KANK1: variants seen among roughly 807,000 people sequenced by gnomAD.
KANK1 encodes KN motif and ankyrin repeat domain-containing protein 1.
KANK1 carries 109 observed loss-of-function variants against 106.2 expected under a neutral mutation model. The observed-to-expected ratio is 1.03, with a 90% CI of 0.88 to 1.20. KANK1 has a LOEUF of 1.20. Among genes scored for constraint, KANK1 ranks in the 50% most tolerant of loss-of-function variants. The pLI, the probability that KANK1 is intolerant of heterozygous loss-of-function variation, is 0.00. For missense variants in KANK1, 2,399 were observed against 1,710.7 expected, an observed-to-expected ratio of 1.40 and a Z score of -7.10; for synonymous variants, 873 against 652.2, an observed-to-expected ratio of 1.34 and a Z score of -5.16.
chr9:511,390 G>A (rs2059021769), intron 1 of KANK1, among the ~76,000 whole-genome samples: 1 of 152,148 alleles, frequency 6.6e-6, no homozygotes, highest in African/African-American at 2.4e-5. Flanking sequence ...AATATTGTAG[G>A]TGTAGGCCCA....
chr9:672,776 C>G (rs901381269), intron 1 of KANK1, among the ~76,000 whole-genome samples: 1 of 152,176 alleles, frequency 6.6e-6, no homozygotes, highest in African/African-American at 2.4e-5. Flanking sequence ...TTGTACCTTA[C>G]TTGGCGATCT....
intron 1 of KANK1, chr9:470,424 CTG>C (rs1313809841): frequency 3.3e-5 from 5 of 152,504 alleles, no homozygotes; most frequent in African/African-American, 4.8e-5. Context: ...TTTCTCAACA[CTG>C]TGAAGCTCAG....
chr9:567,417 C>G (rs1036363368), intron 1 of KANK1, among the ~76,000 whole-genome samples: 5 of 152,228 alleles, frequency 3.3e-5, no homozygotes, highest in African/African-American at 1.2e-4. Context: ...AAGTGCTATT[C>G]TCATTCTTGC....
intron 1 of KANK1, among the ~76,000 whole-genome samples, chr9:545,124 A>T (rs948131484): frequency 6.6e-6 from 1 of 150,870 alleles, no homozygotes; most frequent in African/African-American, 2.4e-5. Context: ...CAGTGCCCAG[A>T]CTTCTGGGAG....
At chr9:694,352 G>A (rs954688900) in intron 2 of KANK1, among the ~76,000 whole-genome samples, 2 of 152,008 alleles carry the variant, frequency 1.3e-5, no homozygotes, top group African/African-American at 2.4e-5. Flanking sequence ...TCTTTTTTAC[G>A]CTTAGAACAG....
chr9:534,943 G>A (rs1214162179), intron 1 of KANK1, among the ~76,000 whole-genome samples: 2 of 152,188 alleles, frequency 1.3e-5, no homozygotes, highest in Non-Finnish European at 2.9e-5. Context: ...GGGCCGAGGG[G>A]AAGCTGAGGT....
intron 1 of KANK1, among the ~76,000 whole-genome samples, chr9:636,178 G>A (rs936577138): frequency 2.0e-5 from 3 of 152,150 alleles, no homozygotes; most frequent in Non-Finnish European, 4.4e-5. Flanking sequence ...GGCCTAGGGT[G>A]TTTTTGTAAA....
Position 711,047 on chromosome 9 carries a change from C to T in KANK1, c.281C>T (p.Ser94Phe). ...TGGACTTCCACTGAATCCCTCTCATCCTCCAACAGTGATGACAACAAGCAG... is the reference window on the plus strand; with the variant it reads ...TGGACTTCCACTGAATCCCTCTCATTCTCCAACAGTGATGACAACAAGCAG... ...GIWTSTESLS[S>F]SNSDDNKQCP... The change falls in exon 3 of 12, where the codon TCC becomes TTC. Residue 94 changes from serine (S) to phenylalanine (F), a missense_variant. Transcript: ENST00000382297. 3.1e-6 allele frequency: 5 copies of T among 1,614,192 alleles called. No homozygotes were observed. The highest frequency in any genetic ancestry group is 2.2e-5 in the East Asian group (1 of 44,880).
intron 1 of KANK1, among the ~76,000 whole-genome samples, chr9:506,776 G>A (rs190366533): frequency 8.3e-4 from 126 of 152,222 alleles, no homozygotes; most frequent in Admixed American, 2.2e-3. Context: ...AGTGGGAGGA[G>A]GAGGATGGAA....
At chr9:533,001 G>C (rs561061717) in intron 1 of KANK1, among the ~76,000 whole-genome samples, 2 of 152,272 alleles carry the variant, frequency 1.3e-5, no homozygotes, top group Non-Finnish European at 2.9e-5. Context: ...TTGCTGGTCG[G>C]AACAGTTTTG....
At chr9:487,268 G>A (rs1440735411) in intron 3 of KANK1, among the ~76,000 whole-genome samples, 1 of 152,160 alleles carries the variant, frequency 6.6e-6, no homozygotes, top group East Asian at 1.9e-4. Context: ...CACACTGCAA[G>A]TACCCCATAA....
At chr9:572,551 CA>C (rs1421913140) in intron 1 of KANK1, among the ~76,000 whole-genome samples, 47 of 147,640 alleles carry the variant, frequency 3.2e-4, no homozygotes, top group African/African-American at 7.9e-4. Context: ...GACTCCATCT[CA>C]AAAAAAAAAA....
intron 1 of KANK1, among the ~76,000 whole-genome samples, chr9:578,828 A>T (rs1178850323): frequency 1.3e-5 from 2 of 152,262 alleles, no homozygotes; most frequent in East Asian, 1.9e-4. Flanking sequence ...CCACCTCTGT[A>T]TAATATTTAA....
intron 3 of KANK1, among the ~76,000 whole-genome samples, chr9:716,618 A>G (rs945124696): frequency 2.0e-5 from 3 of 152,212 alleles, no homozygotes; most frequent in Non-Finnish European, 2.9e-5. Context: ...CGGCCAATCC[A>G]TAGAATTCTG....
At chr9:587,590 C>G (rs1470592404) in intron 1 of KANK1, among the ~76,000 whole-genome samples, 1 of 152,092 alleles carries the variant, frequency 6.6e-6, no homozygotes, top group African/African-American at 2.4e-5. Flanking sequence ...ATATTATTTT[C>G]CAAGTTTTTA....
chr9:493,657 C>T (rs2058413696), intron 3 of KANK1, among the ~76,000 whole-genome samples: 1 of 147,648 alleles, frequency 6.8e-6, no homozygotes, highest in Non-Finnish European at 1.5e-5. Flanking sequence ...AAGCAATTCT[C>T]CTGCCTCAGC....
intron 1 of KANK1, among the ~76,000 whole-genome samples, chr9:511,879 T>C (rs558194169): frequency 6.6e-6 from 1 of 152,278 alleles, no homozygotes; most frequent in South Asian, 2.1e-4. Flanking sequence ...ATTTGTTTTA[T>C]GGTGTTTTGG....
intron 1 of KANK1, among the ~76,000 whole-genome samples, chr9:584,658 G>C (rs557112294): frequency 6.6e-6 from 1 of 152,166 alleles, no homozygotes; most frequent in Admixed American, 6.5e-5. Context: ...GAATAGTTCT[G>C]TAAGATTTGT....
intron 1 of KANK1, chr9:673,894 A>C (rs1276324679): frequency 6.6e-6 from 1 of 152,082 alleles, no homozygotes; most frequent in Non-Finnish European, 1.5e-5. Context: ...GGTTTGGCTT[A>C]GGGTTTTGTG....
Sources: allele counts gnomAD v4.1 joint callset (sites outside exome capture counted in the v4.1 genomes callset), GRCh38; gene constraint gnomAD v4.1.1; transcripts MANE v1.5; gene names NCBI Gene and HGNC (gene_info 2026-07-23, HGNC 2026-07-21).